The following DIP2B variants were observed in gnomAD, a reference collection of about 807,000 sequenced individuals.
DIP2B encodes DIP2 acetate--CoA ligase B (putative).
A neutral mutation model predicts 198.0 loss-of-function variants in DIP2B; 76 were observed. The observed-to-expected ratio is 0.38, with a 90% CI of 0.32 to 0.46. The LOEUF is 0.46. DIP2B is among the 20% of genes least tolerant of loss of function. DIP2B has a pLI of 0.99. For missense variants in DIP2B, 1,559 were observed against 1,978.4 expected (o/e 0.79, Z 4.02); for synonymous variants, 701 against 739.1 (o/e 0.95, Z 0.84).
chr12:50,586,948 G>GTATA (rs1958776869), intron 1 of DIP2B, among the ~76,000 whole-genome samples: 2 of 152,144 alleles, frequency 1.3e-5, no homozygotes, highest in African/African-American at 4.8e-5. Context: ...GTTTTTGCTT[G>GTATA]TATATGCTTC....
Position 50,600,894 on chromosome 12 carries a change from TCACCACCAC to T in DIP2B, c.101-25045_101-25037del, listed in dbSNP as rs34616785. On this transcript the variant is annotated intron_variant, in intron 1 of 37. Coordinates refer to ENST00000301180, the MANE Select transcript of DIP2B (RefSeq NM_173602.3). ...ACCACCATCACCACCATGACCACCA[TCACCACCAC>T]CACCACCACCACCACCACCACCACC... 9.8e-3 allele frequency among the ~76,000 whole-genome samples: 1,193 copies of T among 121,580 alleles called. 17 individuals are homozygous for T. The highest frequency in any genetic ancestry group is 0.02 in the African/African-American group (648 of 31,700). The allele number at this position is 121,580 out of a possible 152,430, so 79.8% of individuals were successfully genotyped here.
intron 35 of DIP2B, 31 bp from the exon 36 acceptor site, chr12:50,739,378 G>A (rs1940198237): frequency 6.3e-7 from 1 of 1,592,960 alleles, no homozygotes; most frequent in Middle Eastern, 1.7e-4. Flanking sequence ...TGTGTCCCCA[G>A]TGAGTTGTGA....
chr12:50,653,561 C>T (rs1463965234), intron 3 of DIP2B, among the ~76,000 whole-genome samples: 1 of 151,122 alleles, frequency 6.6e-6, no homozygotes, highest in East Asian at 2.0e-4. Context: ...AGGCTGGTCT[C>T]GACCTCCTAG....
At chr12:50,677,747 AAT>A (rs1230190350) in intron 7 of DIP2B, among the ~76,000 whole-genome samples, 1 of 152,012 alleles carries the variant, frequency 6.6e-6, no homozygotes, top group Non-Finnish European at 1.5e-5. Flanking sequence ...CAATCTCTGG[AAT>A]AAGCATGTTA....
chr12:50,625,859 C>G, intron 1 of DIP2B, 117 bp from the exon 2 acceptor site: 4 of 1,037,514 alleles, frequency 3.9e-6, no homozygotes, highest in Non-Finnish European at 4.3e-6. Flanking sequence ...TTCCCCCCCC[C>G]AACCCCCTGC....
intron 1 of DIP2B, among the ~76,000 whole-genome samples, chr12:50,625,181 T>C (rs1340936474): frequency 3.9e-5 from 6 of 152,170 alleles, no homozygotes; most frequent in African/African-American, 1.2e-4. Context: ...TCCCTCAGCT[T>C]TAAATCACTC....
At chr12:50,586,561 C>T (rs145516584) in intron 1 of DIP2B, among the ~76,000 whole-genome samples, 9 of 152,282 alleles carry the variant, frequency 5.9e-5, no homozygotes, top group East Asian at 1.9e-4. Flanking sequence ...AGTGATTTTA[C>T]GTAAAACAAA....
chr12:50,616,052 C>T (rs1937695334), intron 1 of DIP2B, among the ~76,000 whole-genome samples: 1 of 152,220 alleles, frequency 6.6e-6, no homozygotes, highest in Non-Finnish European at 1.5e-5. Context: ...ATCATTTTCT[C>T]AGTGTTTTAC....
intron 4 of DIP2B, among the ~76,000 whole-genome samples, chr12:50,664,286 A>G (rs2139515981): frequency 6.6e-6 from 1 of 152,288 alleles, no homozygotes; most frequent in Non-Finnish European, 1.5e-5. Flanking sequence ...ATGGGAAATA[A>G]TTTGTCTTTT....
chr12:50,506,492 TTTTTAATAACCC>T (rs1957969654), intron 1 of DIP2B, among the ~76,000 whole-genome samples: 1 of 152,356 alleles, frequency 6.6e-6, no homozygotes, highest in Non-Finnish European at 1.5e-5. Context: ...GAAATAATTA[TTTTTAATAACCC>T]TTTTAATAAC....
At chr12:50,650,003 G>A (rs1565858529) in intron 3 of DIP2B, among the ~76,000 whole-genome samples, 2 of 152,162 alleles carry the variant, frequency 1.3e-5, no homozygotes, top group African/African-American at 4.8e-5. Context: ...GAAGTCAGGA[G>A]TTTGAGACCA....
intron 1 of DIP2B, among the ~76,000 whole-genome samples, chr12:50,552,061 A>G (rs905949904): frequency 1.3e-5 from 2 of 151,980 alleles, no homozygotes; most frequent in Non-Finnish European, 2.9e-5. Context: ...CCTCACCAAC[A>G]CTTGTTATTA....
At chr12:50,671,508 GA>G in intron 5 of DIP2B, 110 bp downstream of exon 5, 1 of 1,047,160 alleles carries the variant, frequency 9.5e-7, no homozygotes. Context: ...CTAAAAAAAA[GA>G]ATTAGAGAAA....
At chr12:50,545,291 A>C (rs970056840) in intron 1 of DIP2B, among the ~76,000 whole-genome samples, 7 of 151,736 alleles carry the variant, frequency 4.6e-5, no homozygotes, top group Admixed American at 2.6e-4. Context: ...ACTTACCAAT[A>C]CTTGCTTGCT....
intron 9 of DIP2B, among the ~76,000 whole-genome samples, chr12:50,681,474 A>C (rs1251689245): frequency 1.3e-5 from 2 of 151,966 alleles, no homozygotes; most frequent in Non-Finnish European, 2.9e-5. Context: ...CTTTTAAAAC[A>C]TTTTTCTGTG....
intron 27 of DIP2B, 23 bp downstream of exon 27, chr12:50,723,346 CT>C: frequency 6.2e-7 from 1 of 1,612,954 alleles, no homozygotes; most frequent in South Asian, 1.1e-5. Context: ...TGTATCTTGC[CT>C]TGTCCTCATC....
At chr12:50,735,033 C>A (rs1385240477) in intron 33 of DIP2B, 40 bp from the exon 34 acceptor site, 7 of 1,612,656 alleles carry the variant, frequency 4.3e-6, no homozygotes, top group South Asian at 1.1e-5. Flanking sequence ...GACTTCTCCT[C>A]TTAAAAGCCC....
chr12:50,672,625 A>G (rs1938874224), intron 5 of DIP2B, among the ~76,000 whole-genome samples: 2 of 152,206 alleles, frequency 1.3e-5, no homozygotes, highest in South Asian at 2.1e-4. Context: ...CACAGAAACC[A>G]TTTTATCCAC....
At chr12:50,515,100 C>T (rs569332663) in intron 1 of DIP2B, among the ~76,000 whole-genome samples, 20 of 152,248 alleles carry the variant, frequency 1.3e-4, no homozygotes, top group Non-Finnish European at 2.1e-4. Flanking sequence ...CTTACCTTTG[C>T]TTAGTGCTCA....
Sources: allele counts gnomAD v4.1 joint callset (sites outside exome capture counted in the v4.1 genomes callset), GRCh38; gene constraint gnomAD v4.1.1; transcripts MANE v1.5; gene names NCBI Gene and HGNC (gene_info 2026-07-23, HGNC 2026-07-21).